DCDC1: variants seen among roughly 807,000 people sequenced by gnomAD.
DCDC1 encodes the protein doublecortin domain containing 1.
Under a neutral mutation model 178.3 loss-of-function variants are expected in DCDC1, and 200 were observed. That is an observed-to-expected ratio of 1.12 (90% CI 1.00 to 1.26). DCDC1 has a LOEUF of 1.26. Among genes scored for constraint, DCDC1 ranks in the 50% most tolerant of loss-of-function variants. The pLI is 0.00. For synonymous variants in DCDC1, 690 were observed against 604.8 expected, an observed-to-expected ratio of 1.14 and a Z score of -2.07; for missense variants, 1,983 against 1,749.2, an observed-to-expected ratio of 1.13 and a Z score of -2.38.
rs1422501072 is a variant in DCDC1, at chr11:31,124,762, C to A, written c.1485+2707G>T. 3.3e-5 allele frequency among the ~76,000 whole-genome samples: 5 copies of A among 152,234 alleles called. No individual in the cohort carries two copies. The East Asian group carries it at 9.6e-4, about 29-fold the overall frequency. On this transcript the variant is annotated intron_variant, in intron 11 of 38. Coordinates refer to ENST00000684477, the MANE Select transcript of DCDC1 (RefSeq NM_001387274.1). ...AAATTGAAACTGGATCCCTTCCTTA[C>A]ACCTTATACAAAAAACTCAGATGGA...
chr11:31,269,598 T>G (rs1183795567), intron 7 of DCDC1, among the ~76,000 whole-genome samples: 1 of 152,054 alleles, frequency 6.6e-6, no homozygotes, highest in Non-Finnish European at 1.5e-5. Flanking sequence ...TTGCCCAGGC[T>G]GGTCTCAAGA....
intron 20 of DCDC1, among the ~76,000 whole-genome samples, chr11:31,023,796 C>T (rs952341542): frequency 2.0e-5 from 3 of 151,458 alleles, no homozygotes; most frequent in African/African-American, 4.8e-5. Context: ...ATTAGAAAAA[C>T]AGATTACATG....
chr11:31,324,623 T>C (rs1949551515), intron 3 of DCDC1, among the ~76,000 whole-genome samples: 1 of 152,180 alleles, frequency 6.6e-6, no homozygotes, highest in Non-Finnish European at 1.5e-5. Flanking sequence ...CTTCATTCAC[T>C]ATTGCTGTTT....
In DCDC1 at chr11:31,094,073, C is replaced by G. The variant is rs775180981; in HGVS notation, c.2095G>C (p.Ala699Pro). The G allele has an allele frequency of 1.3e-6, 1 of 766,212 alleles. No individual in the cohort carries two copies. The highest frequency in any genetic ancestry group is 1.3e-5 in the South Asian group (1 of 74,612). The allele number at this position is 766,212 out of a possible 1,614,324, so 47.5% of individuals were successfully genotyped here. The change falls in exon 16 of 39, where the codon GCC (alanine) becomes CCC (proline). Residue 699 changes from alanine (A) to proline (P), a missense_variant. Coordinates refer to ENST00000684477, the MANE Select transcript of DCDC1 (RefSeq NM_001387274.1). ...QIAPSILWPV[A>P]SVWLITKTGM... ...ACCTTGGTGATCAGCCACACACTGG[C>G]TACAGGCCACAGGATCGATGGCGCT...
chr11:30,892,615 G>C (rs1181434521), intron 36 of DCDC1, among the ~76,000 whole-genome samples: 1 of 152,166 alleles, frequency 6.6e-6, no homozygotes, highest in Non-Finnish European at 1.5e-5. Flanking sequence ...TCACATCTAT[G>C]TCAGACAGCA....
intron 20 of DCDC1, among the ~76,000 whole-genome samples, chr11:30,981,207 G>C (rs1185108051): frequency 6.6e-6 from 1 of 152,118 alleles, no homozygotes; most frequent in Non-Finnish European, 1.5e-5. Flanking sequence ...GGTGGAAAGA[G>C]AGCGAGGGTT....
intron 6 of DCDC1, among the ~76,000 whole-genome samples, chr11:31,302,894 T>C (rs973404877): frequency 6.6e-6 from 1 of 152,208 alleles, no homozygotes; most frequent in Non-Finnish European, 1.5e-5. Flanking sequence ...ACCACTGAAG[T>C]ATAGATATAT....
intron 22 of DCDC1, among the ~76,000 whole-genome samples, chr11:30,929,040 T>C (rs555318843): frequency 9.2e-5 from 14 of 152,228 alleles, no homozygotes; most frequent in Non-Finnish European, 1.5e-4. Flanking sequence ...TTAGAATCTA[T>C]ATTTTATTAA....
chr11:31,122,240 C>T (rs1272863551), intron 11 of DCDC1, among the ~76,000 whole-genome samples: 7 of 152,086 alleles, frequency 4.6e-5, no homozygotes. Context: ...GAATTCCCAC[C>T]ACCACCATCA....
At chr11:31,209,007 T>A (rs754602055) in intron 9 of DCDC1, among the ~76,000 whole-genome samples, 31 of 152,316 alleles carry the variant, frequency 2.0e-4, no homozygotes, top group South Asian at 4.1e-4. Context: ...CTCAGCCTTG[T>A]ATGCGTGTAC....
At chr11:31,134,460 A>C (rs1381871637) in intron 10 of DCDC1, among the ~76,000 whole-genome samples, 2 of 152,230 alleles carry the variant, frequency 1.3e-5, no homozygotes, top group East Asian at 3.8e-4. Context: ...CCAAATCTTT[A>C]GACTTCACAG....
chr11:31,307,407 T>C (rs1221483983), intron 4 of DCDC1: 4 of 519,504 alleles, frequency 7.7e-6, no homozygotes, highest in Non-Finnish European at 1.0e-5. Flanking sequence ...GCTTCAAATA[T>C]TCTTTTCAGA....
At chr11:31,231,253 C>T (rs982595625) in intron 9 of DCDC1, among the ~76,000 whole-genome samples, 1 of 152,092 alleles carries the variant, frequency 6.6e-6, no homozygotes, top group African/African-American at 2.4e-5. Flanking sequence ...AAGCTTACAT[C>T]CTTCCTTTTT....
chr11:31,110,121 T>G, intron 12 of DCDC1, 139 bp downstream of exon 12: 2 of 564,214 alleles, frequency 3.5e-6, no homozygotes, highest in Non-Finnish European at 6.4e-6. Flanking sequence ...AATTCAGAAG[T>G]AAATCTTTGT....
chr11:31,135,509 A>G (rs1963013394), intron 10 of DCDC1, among the ~76,000 whole-genome samples: 1 of 152,206 alleles, frequency 6.6e-6, no homozygotes. Context: ...AGAGTCTTTT[A>G]GATTTTTTCT....
chr11:31,131,913 A>G (rs143669732), intron 10 of DCDC1, among the ~76,000 whole-genome samples: 51 of 152,346 alleles, frequency 3.3e-4, no homozygotes, highest in African/African-American at 1.1e-3. Flanking sequence ...TACTGTCACA[A>G]TCCATAGCCT....
At chr11:30,944,411 T>C in intron 21 of DCDC1, 1 of 452,076 alleles carries the variant, frequency 2.2e-6, no homozygotes, top group Non-Finnish European at 4.4e-6. Flanking sequence ...AAAATTATTA[T>C]TTATGCTTAT....
intron 3 of DCDC1, among the ~76,000 whole-genome samples, chr11:31,310,321 T>TC (rs1948699035): frequency 7.5e-6 from 1 of 133,270 alleles, no homozygotes; most frequent in South Asian, 2.6e-4. Flanking sequence ...TTTTTTTTTT[T>TC]TTTTTTTTTT....
In DCDC1 at chr11:31,097,822, C is replaced by G. The variant is rs1287172042; in HGVS notation, c.1984-3638G>C. Among the ~76,000 whole-genome samples, 9 of 152,136 alleles carry G rather than the reference C, an allele frequency of 5.9e-5. No homozygotes were observed. The East Asian group carries it at 1.7e-3, about 29-fold the overall frequency. On this transcript the variant is annotated intron_variant, in intron 15 of 38. Transcript: ENST00000684477. Reference sequence around the variant, plus strand: ...AAATATCATTTTTCAATGACTTGCTCTCCAAAGAAATAGAACAGCAAAGAG... The same window carrying G: ...AAATATCATTTTTCAATGACTTGCTGTCCAAAGAAATAGAACAGCAAAGAG...
Sources: gnomAD v4.1 joint callset for allele counts (sites outside exome capture counted in the v4.1 genomes callset) on GRCh38, gnomAD v4.1.1 for gene constraint, MANE v1.5 for transcripts, NCBI Gene and HGNC (gene_info 2026-07-23, HGNC 2026-07-21) for gene names.